Variants in PCDHA3 observed in about 807,000 individuals in gnomAD.
PCDHA3 encodes the protein protocadherin alpha-3.
PCDHA3 carries 41 observed loss-of-function variants against 62.2 expected under a neutral mutation model. The observed-to-expected ratio is 0.66, with a 90% CI of 0.51 to 0.86. PCDHA3 has a LOEUF of 0.86. Among genes scored for constraint, PCDHA3 ranks in the 40% least tolerant of loss-of-function variants. PCDHA3 has a pLI of 0.00. For synonymous variants in PCDHA3, 640 were observed against 555.4 expected (o/e 1.15, Z -2.14); for missense variants, 1,304 against 1,241.2 (o/e 1.05, Z -0.76).
rs2150114188 is a variant in PCDHA3, at chr5:140,822,162, G to T, written c.2394+18571G>T. The T allele has an allele frequency of 7.4e-6, 12 of 1,614,112 alleles. No individual in the cohort carries two copies. In the East Asian group the frequency reaches 2.4e-4, roughly 33 times the overall value. On this transcript the variant is annotated intron_variant, in intron 1 of 3. Coordinates refer to ENST00000522353, the MANE Select transcript of PCDHA3 (RefSeq NM_018906.3). ...CAGTGAAGGACATCAATGACAATCC[G>T]CCCAGGTTCTCCAGACAAGAACAAA... is the stretch of plus-strand genomic sequence containing the variant.
At chr5:140,885,664 A>G (rs2060680895) in intron 1 of PCDHA3, among the ~76,000 whole-genome samples, 1 of 152,174 alleles carries the variant, frequency 6.6e-6, no homozygotes, top group Non-Finnish European at 1.5e-5. Context: ...ACCAGTTATG[A>G]GCACTCTTTC....
intron 1 of PCDHA3, among the ~76,000 whole-genome samples, chr5:140,925,385 C>G (rs559735505): frequency 6.4e-4 from 97 of 152,144 alleles, no homozygotes; most frequent in Non-Finnish European, 1.2e-3. Context: ...AATGAGTCTC[C>G]TTTTGGCTCG....
intron 1 of PCDHA3, chr5:140,868,367 A>T (rs1172492575): frequency 1.3e-5 from 2 of 152,208 alleles, no homozygotes; most frequent in African/African-American, 4.8e-5. Context: ...AAATGTAAAT[A>T]ACAGTAAAGA....
chr5:140,920,570 G>A (rs2153557888), intron 1 of PCDHA3, among the ~76,000 whole-genome samples: 1 of 152,186 alleles, frequency 6.6e-6, no homozygotes, highest in Non-Finnish European at 1.5e-5. Flanking sequence ...CTTAGGCCAG[G>A]AGCAGTGGCT....
intron 1 of PCDHA3, chr5:140,804,167 T>A (rs1312652935): frequency 6.6e-6 from 1 of 152,482 alleles, no homozygotes; most frequent in African/African-American, 2.4e-5. Flanking sequence ...ATTTTTTACT[T>A]GAATATGATT....
chr5:140,927,953 C>T (rs782230690), intron 1 of PCDHA3: 48 of 1,614,090 alleles, frequency 3.0e-5, no homozygotes, highest in Non-Finnish European at 2.1e-5. Flanking sequence ...GAGGACGCTG[C>T]CCCTGGCACA....
chr5:140,982,566 A>C lies in PCDHA3; in HGVS notation c.2542+3A>C. 1.2e-6 allele frequency: 2 copies of C among 1,614,088 alleles called. No individual in the cohort carries two copies. Among genetic ancestry groups the C allele is most frequent in the Non-Finnish European group, 1.7e-6 (2 of 1,179,950 alleles). ...AACAGTATCCAGTGCAACACCAGGT[A>C]AAGAGCTGGGGTCTCTCCATTCTTT... is the stretch of plus-strand genomic sequence containing the variant. On this transcript the variant is annotated splice_donor_region_variant and intron_variant, in intron 3 of 3. Transcript: ENST00000522353.
chr5:140,807,082 G>C, intron 1 of PCDHA3: 2 of 1,270,088 alleles, frequency 1.6e-6, no homozygotes, highest in East Asian at 2.3e-5. Flanking sequence ...ACACTCTTTG[G>C]AGTCTGAAAT....
Position 140,857,922 on chromosome 5 carries a change from T to C in PCDHA3, c.2394+54331T>C, listed in dbSNP as rs782519535. On this transcript the variant is annotated intron_variant, in intron 1 of 3. Coordinates refer to ENST00000522353, the MANE Select transcript of PCDHA3 (RefSeq NM_018906.3). Reference sequence around the variant, plus strand: ...GCACGCATCCCGTTTCGCGTGGGGCTGTACACGGGCGAGATCAGTACGACG... The same window carrying C: ...GCACGCATCCCGTTTCGCGTGGGGCCGTACACGGGCGAGATCAGTACGACG... The C allele has an allele frequency of 1.9e-6, 3 of 1,597,722 alleles. No homozygotes were observed. The South Asian group carries it at 3.3e-5, about 18-fold the overall frequency.
chr5:140,875,517 G>A (rs2055556431), intron 1 of PCDHA3: 7 of 1,614,024 alleles, frequency 4.3e-6, no homozygotes, highest in Non-Finnish European at 5.9e-6. Flanking sequence ...AGCGTCTGCT[G>A]CTCTCGCTTC....
chr5:140,848,734 A>G lies in PCDHA3; in HGVS notation c.2394+45143A>G, dbSNP rs199690069. The G allele has an allele frequency of 6.3e-7, 1 of 1,592,886 alleles. No homozygotes were observed. Among genetic ancestry groups the G allele is most frequent in the Non-Finnish European group, 8.6e-7 (1 of 1,163,642 alleles). The stretch of plus-strand genomic sequence containing the variant: ...GGGGACCTTCTGGAGGTAAATCTGC[A>G]GAATGGCATTTTGTTTGTGAATTCT... On this transcript the variant is annotated intron_variant, in intron 1 of 3. Transcript: ENST00000522353.
rs79215949 is a variant in PCDHA3 at position 140,921,420 on chromosome 5, C to T, written c.2395-57529C>T. Among the ~76,000 whole-genome samples, 1,220 of 152,204 alleles carry T rather than the reference C, an allele frequency of 8.0e-3. 6 individuals carry two copies. The highest frequency in any genetic ancestry group is 0.019 in the African/African-American group (786 of 41,526). On this transcript the variant is annotated intron_variant, in intron 1 of 3. Coordinates refer to ENST00000522353, the MANE Select transcript of PCDHA3 (RefSeq NM_018906.3). Reference sequence around the variant, plus strand: ...ACTAGATTTTCCTCTGTGCTGCAGACAAAAATTTTCTTCAATGGTGTCTGA... The same window carrying T: ...ACTAGATTTTCCTCTGTGCTGCAGATAAAAATTTTCTTCAATGGTGTCTGA...
intron 1 of PCDHA3, among the ~76,000 whole-genome samples, chr5:140,922,883 T>A (rs963654982): frequency 2.6e-5 from 4 of 152,134 alleles, no homozygotes; most frequent in Admixed American, 2.0e-4. Flanking sequence ...TCCAAAGACA[T>A]CATTCAAGAA....
chr5:140,823,403 C>T (rs2150125598), intron 1 of PCDHA3: 1 of 1,613,188 alleles, frequency 6.2e-7, no homozygotes. Flanking sequence ...GGCGTGCCGC[C>T]TCTGGGCAGC....
chr5:140,870,629 T>C, intron 1 of PCDHA3: 2 of 1,612,984 alleles, frequency 1.2e-6, no homozygotes, highest in East Asian at 4.5e-5. Flanking sequence ...TACGTGTCGG[T>C]GCACGCGGAG....
chr5:140,879,889 C>T (rs897508016), intron 1 of PCDHA3, among the ~76,000 whole-genome samples: 3 of 152,200 alleles, frequency 2.0e-5, no homozygotes, highest in Non-Finnish European at 4.4e-5. Context: ...GCCTCCTCCT[C>T]TCCATGTCTC....
intron 1 of PCDHA3, chr5:140,927,739 CG>C: frequency 1.2e-6 from 2 of 1,614,212 alleles, no homozygotes; most frequent in Non-Finnish European, 1.7e-6. Flanking sequence ...GCTGCGACAC[CG>C]CTTTCACGTG....
At chr5:140,963,443 T>C (rs1554226608) in intron 1 of PCDHA3, among the ~76,000 whole-genome samples, 1 of 152,248 alleles carries the variant, frequency 6.6e-6, no homozygotes, top group African/African-American at 2.4e-5. Flanking sequence ...TCATACTCTG[T>C]TGCTAAAGTA....
intron 1 of PCDHA3, among the ~76,000 whole-genome samples, chr5:140,878,558 C>T: frequency 6.6e-6 from 1 of 152,172 alleles, no homozygotes; most frequent in African/African-American, 2.4e-5. Flanking sequence ...TGATCCCAAA[C>T]TTATCATAGT....
Sources: gnomAD v4.1 joint callset for allele counts (sites outside exome capture counted in the v4.1 genomes callset) on GRCh38, gnomAD v4.1.1 for gene constraint, MANE v1.5 for transcripts, NCBI Gene and HGNC (gene_info 2026-07-23, HGNC 2026-07-21) for gene names.